Variants in NBEA observed in about 807,000 individuals in gnomAD.
NBEA encodes the protein lysosomal-trafficking regulator 2.
Under a neutral mutation model 343.4 loss-of-function variants are expected in NBEA, and 44 were observed. The ratio of observed to expected loss-of-function variants is 0.13; its 90% CI spans 0.10 to 0.16. NBEA has a LOEUF of 0.16. NBEA is among the 10% of genes least tolerant of loss of function. NBEA has a pLI of 1.00. For missense variants in NBEA, 2,555 were observed against 3,631.3 expected (o/e 0.70, Z 7.62); for synonymous variants, 1,175 against 1,238.7 (o/e 0.95, Z 1.08).
Position 35,109,293 on chromosome 13 carries a change from T to A in NBEA, c.1684T>A (p.Ser562Thr). The A allele has an allele frequency of 6.3e-7, 1 of 1,589,848 alleles. No individual in the cohort carries two copies. Among genetic ancestry groups the A allele is most frequent in the Non-Finnish European group, 8.5e-7 (1 of 1,170,796 alleles). ...GAATTTCTGTTTTCTTTCTTAGTCA[T>A]CAAGAGTTCATATAACTAGAGCTGT... Reference protein sequence around the residue: ...LVIGYLLEKSSRVHITRAVLE... With the variant: ...LVIGYLLEKSTRVHITRAVLE... The change falls in exon 12 of 59, where the codon TCA becomes ACA. Residue 562 changes from serine (S) to threonine (T), a missense_variant. Coordinates refer to ENST00000379939, the MANE Select transcript of NBEA (RefSeq NM_001385012.1).
At chr13:35,612,136 T>C (rs2082546072) in intron 48 of NBEA, among the ~76,000 whole-genome samples, 1 of 152,042 alleles carries the variant, frequency 6.6e-6, no homozygotes, top group Admixed American at 6.6e-5. Context: ...CAATATTTTT[T>C]TTTCTTTTTT....
chr13:35,134,664 TG>T (rs1425160707), intron 17 of NBEA, among the ~76,000 whole-genome samples: 1 of 152,032 alleles, frequency 6.6e-6, no homozygotes. Context: ...AGAAGAACTT[TG>T]TACTTATATT....
chr13:35,398,421 A>G (rs1402275614), intron 38 of NBEA, among the ~76,000 whole-genome samples: 2 of 152,170 alleles, frequency 1.3e-5, no homozygotes, highest in Non-Finnish European at 2.9e-5. Flanking sequence ...GATTTTGCCC[A>G]GATCCATCAG....
At chr13:35,224,580 T>G (rs1593823766) in intron 33 of NBEA, among the ~76,000 whole-genome samples, 1 of 152,318 alleles carries the variant, frequency 6.6e-6, no homozygotes, top group East Asian at 1.9e-4. Flanking sequence ...TCTTTTACTG[T>G]ATTTTTTATT....
chr13:35,463,096 G>A (rs9573962), intron 40 of NBEA, among the ~76,000 whole-genome samples: 30,792 of 152,160 alleles, frequency 0.2, 3,267 homozygotes, highest in South Asian at 0.33. Flanking sequence ...GCCAAAATCA[G>A]ATGCCCTGTG....
At chr13:35,376,354 T>C (rs9544156) in intron 38 of NBEA, among the ~76,000 whole-genome samples, 80,109 of 152,028 alleles carry the variant, frequency 0.53, 23,852 homozygotes, top group South Asian at 0.68. Context: ...TTTAGTTAAA[T>C]TTAATTGCAC....
chr13:35,544,509 G>A (rs1425792052), intron 41 of NBEA, among the ~76,000 whole-genome samples: 2 of 152,160 alleles, frequency 1.3e-5, no homozygotes, highest in Non-Finnish European at 2.9e-5. Context: ...CAGCAGCCTT[G>A]TATTTTTCAA....
At chr13:35,301,716 A>C (rs1387226387) in intron 35 of NBEA, among the ~76,000 whole-genome samples, 2 of 152,102 alleles carry the variant, frequency 1.3e-5, no homozygotes, top group African/African-American at 4.8e-5. Flanking sequence ...TAATGGGATT[A>C]CTGGGTCAAA....
intron 1 of NBEA, among the ~76,000 whole-genome samples, chr13:35,026,058 C>T (rs896956757): frequency 5.9e-5 from 9 of 152,026 alleles, no homozygotes; most frequent in South Asian, 2.1e-4. Flanking sequence ...AAGGACAGGA[C>T]CAGGTGGAGA....
intron 58 of NBEA, 54 bp from the exon 59 acceptor site, chr13:35,670,847 G>A: frequency 4.0e-6 from 5 of 1,252,884 alleles, no homozygotes; most frequent in South Asian, 3.8e-5. Context: ...GTGTAAAATA[G>A]CAACCACAGA....
rs547856647 is a variant in NBEA at position 35,003,535 on chromosome 13, A to C, written c.295-37398A>C. Among the ~76,000 whole-genome samples, 4 of 152,308 alleles carry C rather than the reference A, an allele frequency of 2.6e-5. No individual in the cohort carries two copies. In the South Asian group the frequency reaches 8.3e-4, roughly 32 times the overall value. ...TCCCCAAAGATACTAGGTGACTTTT[A>C]ATGTGCACACATTTGATTTTAGGAA... is the stretch of plus-strand genomic sequence containing the variant. On this transcript the variant is annotated intron_variant, in intron 1 of 58. Transcript: ENST00000379939.
chr13:35,254,964 A>G (rs1016671338), intron 34 of NBEA, among the ~76,000 whole-genome samples: 1 of 152,136 alleles, frequency 6.6e-6, no homozygotes, highest in Non-Finnish European at 1.5e-5. Context: ...ATAAATAACA[A>G]TTTAATGGGA....
intron 10 of NBEA, among the ~76,000 whole-genome samples, chr13:35,080,556 A>C (rs749025181): frequency 6.6e-6 from 1 of 152,182 alleles, no homozygotes; most frequent in Non-Finnish European, 1.5e-5. Context: ...TGGAAGAAGA[A>C]AATATTTTTG....
At chr13:35,300,751 A>G (rs901492232) in intron 35 of NBEA, among the ~76,000 whole-genome samples, 14 of 152,350 alleles carry the variant, frequency 9.2e-5, no homozygotes, top group Admixed American at 2.6e-4. Context: ...GCACTTTTCC[A>G]TAGGAGTCAG....
chr13:35,419,981 TG>T (rs2044170671), intron 38 of NBEA, among the ~76,000 whole-genome samples: 1 of 152,132 alleles, frequency 6.6e-6, no homozygotes, highest in South Asian at 2.1e-4. Flanking sequence ...TTGCATCTCG[TG>T]ACCTTGCTTA....
At chr13:35,363,937 G>C (rs1436301693) in intron 38 of NBEA, among the ~76,000 whole-genome samples, 1 of 151,902 alleles carries the variant, frequency 6.6e-6, no homozygotes, top group African/African-American at 2.4e-5. Context: ...TTCATTGGGT[G>C]AATGGTGGTG....
chr13:35,167,075 C>T (rs996322594), intron 24 of NBEA, among the ~76,000 whole-genome samples: 6 of 151,846 alleles, frequency 4.0e-5, no homozygotes, highest in African/African-American at 1.2e-4. Flanking sequence ...TTCTTGTGTG[C>T]ATTTTATGAA....
At chr13:35,189,798 C>G (rs1005778352) in intron 30 of NBEA, among the ~76,000 whole-genome samples, 2 of 151,900 alleles carry the variant, frequency 1.3e-5, no homozygotes, top group African/African-American at 4.8e-5. Flanking sequence ...AGAACACTGG[C>G]AAAAACTGTC....
chr13:35,191,524 C>A (rs758717050), intron 30 of NBEA, among the ~76,000 whole-genome samples: 14 of 151,926 alleles, frequency 9.2e-5, no homozygotes, highest in Non-Finnish European at 1.9e-4. Context: ...TAATTCATTG[C>A]AGTATTTTTG....
Sources: gnomAD v4.1 joint callset for allele counts (sites outside exome capture counted in the v4.1 genomes callset) on GRCh38, gnomAD v4.1.1 for gene constraint, MANE v1.5 for transcripts, NCBI Gene and HGNC (gene_info 2026-07-23, HGNC 2026-07-21) for gene names.